ITPK1: variants seen among roughly 807,000 people sequenced by gnomAD.
ITPK1 encodes the protein inositol-tetrakisphosphate 1-kinase, also known as inositol 1,3,4-trisphosphate 5/6-kinase.
A neutral mutation model predicts 45.3 loss-of-function variants in ITPK1; 21 were observed. The ratio of observed to expected loss-of-function variants is 0.46; its 90% CI spans 0.33 to 0.67. The LOEUF (loss-of-function observed/expected upper bound fraction) is 0.67, where lower values mean the gene tolerates loss of function less well. Ranked by LOEUF, ITPK1 falls within the 30% of genes least tolerant of loss-of-function variation. The pLI, the probability that ITPK1 is intolerant of heterozygous loss-of-function variation, is 0.02. For synonymous variants in ITPK1, 258 were observed against 253.6 expected (o/e 1.02, Z -0.16); for missense variants, 474 against 573.5 (o/e 0.83, Z 1.77).
At chr14:92,971,492 C>G (rs1009277465) in intron 5 of ITPK1, among the ~76,000 whole-genome samples, 1 of 152,214 alleles carries the variant, frequency 6.6e-6, no homozygotes, top group Admixed American at 6.5e-5. Flanking sequence ...AGCAGGTGTG[C>G]ATGAAAAACT....
intron 4 of ITPK1, among the ~76,000 whole-genome samples, chr14:92,997,618 C>T (rs1285249681): frequency 6.6e-6 from 1 of 152,226 alleles, no homozygotes; most frequent in African/African-American, 2.4e-5. Flanking sequence ...TACCAATCTG[C>T]TGGGTGGGTG....
At chr14:93,084,211 G>A (rs1891561965) in intron 2 of ITPK1, among the ~76,000 whole-genome samples, 1 of 152,264 alleles carries the variant, frequency 6.6e-6, no homozygotes, top group Non-Finnish European at 1.5e-5. Flanking sequence ...CGGGCTGAGT[G>A]GCGACGAAGC....
At chr14:92,970,779 C>T (rs532772922) in intron 5 of ITPK1, among the ~76,000 whole-genome samples, 1 of 152,218 alleles carries the variant, frequency 6.6e-6, no homozygotes, top group South Asian at 2.1e-4. Flanking sequence ...ACTACAGGTA[C>T]CCACCACCAT....
In ITPK1 at chr14:93,076,614, C is replaced by T. The variant is rs766724738; in HGVS notation, c.101G>A (p.Arg34Gln). The change falls in exon 3 of 11, where the codon CGA becomes CAA. Residue 34 changes from arginine to glutamine, a missense_variant. By Grantham distance (43) the Arg-to-Gln change is conservative. Coordinates refer to ENST00000267615, the MANE Select transcript of ITPK1 (RefSeq NM_014216.6). The surrounding 1 kb of genome is among the most constrained non-coding windows in gnomAD (Gnocchi z 4.3). ...FQAFAELCRK[R>Q]GMEVVQLNLS... ...ACTCACCTGCACAACCTCCATCCCT[C>T]GCTTCCTGTGGAGAAAAACAAAGAA... 3 of 1,614,208 alleles carry T rather than the reference C, an allele frequency of 1.9e-6. No homozygotes were observed. The highest frequency in any genetic ancestry group is 1.7e-5 in the Admixed American group (1 of 60,028).
chr14:92,938,345 T>C lies in ITPK1; in HGVS notation c.*3216A>G, dbSNP rs1887208765. On this transcript the variant is annotated 3_prime_UTR_variant, in exon 11 of 11. Transcript: ENST00000267615. ...CAGCAGTTGTGGCCAGTGGCCAATG[T>C]GAGTGCCCAAGAGCCAAGAACTGGT... 2 of 705,570 alleles carry C rather than the reference T, an allele frequency of 2.8e-6. No individual in the cohort carries two copies. The highest frequency in any genetic ancestry group is 2.1e-5 in the Admixed American group (1 of 47,754). The allele number at this position is 705,570 out of a possible 1,614,324, so 43.7% of individuals were successfully genotyped here.
chr14:93,107,861 GCT>G (rs1892587503), intron 2 of ITPK1, among the ~76,000 whole-genome samples: 1 of 152,226 alleles, frequency 6.6e-6, no homozygotes, highest in Non-Finnish European at 1.5e-5. Context: ...AAGGGCAGCT[GCT>G]TTCTGAGCAG....
intron 7 of ITPK1, among the ~76,000 whole-genome samples, chr14:92,959,132 G>A (rs79216076): frequency 0.064 from 9,791 of 151,980 alleles, 424 homozygotes; most frequent in East Asian, 0.23. Flanking sequence ...GGTAGGGGCT[G>A]GGGTAGGGAG....
intron 2 of ITPK1, among the ~76,000 whole-genome samples, chr14:93,111,293 G>A (rs1336043951): frequency 6.6e-6 from 1 of 152,078 alleles, no homozygotes; most frequent in Non-Finnish European, 1.5e-5. Context: ...AGGAAACTGG[G>A]GCCAGCCAGT....
intron 3 of ITPK1, among the ~76,000 whole-genome samples, chr14:93,047,628 C>T (rs1356874341): frequency 1.3e-5 from 2 of 152,238 alleles, no homozygotes; most frequent in South Asian, 2.1e-4. Flanking sequence ...CTCCTCCCTT[C>T]GGGGCTTCAG....
chr14:92,958,327 G>A lies in ITPK1; in HGVS notation c.544C>T (p.Gln182Ter), dbSNP rs1258172675. ...VFNQEGLNAI[Q>*]PPCVVQNFIN... ...AAATTCTGGACCACGCAGGGTGGCT[G>A]GATGGCGTTCAGGCCCTCCTGGTTG... Residue 182 changes from glutamine (Q) to a stop codon, truncating the protein, a stop_gained, in exon 8 of 11, where the codon CAG becomes TAG. Transcript: ENST00000267615. LOFTEE classifies it high-confidence loss of function. This position sits in a 1 kb window ranked among gnomAD's most constrained non-coding sequence, Gnocchi z 4.4. 6.2e-7 allele frequency: 1 copy of A among 1,614,096 alleles called. No homozygotes were observed. The highest frequency in any genetic ancestry group is 1.7e-5 in the Admixed American group (1 of 60,004).
chr14:92,960,214 C>T (rs189245904), intron 7 of ITPK1, among the ~76,000 whole-genome samples: 191 of 152,304 alleles, frequency 1.3e-3, no homozygotes, highest in Non-Finnish European at 2.0e-3. Context: ...TACAAACATC[C>T]TGGAGCCAGG....
chr14:93,084,910 T>C (rs901940394), intron 2 of ITPK1, among the ~76,000 whole-genome samples: 4 of 152,102 alleles, frequency 2.6e-5, no homozygotes, highest in African/African-American at 9.7e-5. Context: ...GCAGGAATAA[T>C]GGCTTCCACT....
chr14:93,082,464 G>C (rs960595868), intron 2 of ITPK1, among the ~76,000 whole-genome samples: 6 of 152,188 alleles, frequency 3.9e-5, no homozygotes, highest in Non-Finnish European at 8.8e-5. Context: ...TTGTGCCTCT[G>C]TTTTCTTATC....
intron 4 of ITPK1, among the ~76,000 whole-genome samples, chr14:93,002,041 G>C (rs1887382071): frequency 6.6e-6 from 1 of 152,170 alleles, no homozygotes; most frequent in African/African-American, 2.4e-5. Context: ...CCCGTTAGCA[G>C]CCTCATTTGA....
intron 5 of ITPK1, among the ~76,000 whole-genome samples, chr14:92,971,735 A>G (rs1395945586): frequency 6.6e-6 from 1 of 152,202 alleles, no homozygotes; most frequent in Non-Finnish European, 1.5e-5. Flanking sequence ...GGGACCGCCA[A>G]TGCTCTGATC....
At position 93,053,996 on chromosome 14, in the gene ITPK1, C is replaced by T. The variant is rs55974977; in HGVS notation, c.120+22599G>A. Among the ~76,000 whole-genome samples, 7 of 152,066 alleles carry T rather than the reference C, an allele frequency of 4.6e-5. No homozygotes were observed. The South Asian group carries it at 1.5e-3, about 32-fold the overall frequency. The stretch of plus-strand genomic sequence containing the variant: ...AGACTGAAGTAGGGAGAGATGGGGT[C>T]GGGGAAGGAAGCGAAGAGCAAAGGC... On this transcript the variant is annotated intron_variant, in intron 3 of 10. Transcript: ENST00000267615.
intron 10 of ITPK1, among the ~76,000 whole-genome samples, chr14:92,943,688 C>T (rs1433658246): frequency 1.3e-5 from 2 of 152,236 alleles, no homozygotes; most frequent in Non-Finnish European, 2.9e-5. Flanking sequence ...AGACGGCTGC[C>T]TCCACGGAGG....
At chr14:93,005,419 CA>C (rs1375209660) in intron 4 of ITPK1, among the ~76,000 whole-genome samples, 3 of 152,282 alleles carry the variant, frequency 2.0e-5, no homozygotes, top group East Asian at 1.9e-4. Flanking sequence ...CAGCACCAGA[CA>C]GGGGCAAGAT....
intron 4 of ITPK1, among the ~76,000 whole-genome samples, chr14:93,007,664 G>A (rs1887689594): frequency 6.6e-6 from 1 of 152,170 alleles, no homozygotes. Context: ...GGCTCTAGGT[G>A]CACAATAAGA....
Sources: allele counts gnomAD v4.1 joint callset (sites outside exome capture counted in the v4.1 genomes callset), GRCh38; gene constraint gnomAD v4.1.1; non-coding constraint Gnocchi (gnomAD v3.1); transcripts MANE v1.5; gene names NCBI Gene and HGNC (gene_info 2026-07-23, HGNC 2026-07-21).